Variants in ASAP2 observed in about 807,000 individuals in gnomAD.
ASAP2 encodes ArfGAP with SH3 domain, ankyrin repeat and PH domain 2.
A neutral mutation model predicts 131.4 loss-of-function variants in ASAP2; 45 were observed. That is an observed-to-expected ratio of 0.34 (90% CI 0.27 to 0.44). ASAP2 has a LOEUF of 0.44. Ranked by LOEUF, ASAP2 falls within the 20% of genes least tolerant of loss-of-function variation. The probability of loss-of-function intolerance (pLI) is 1.00; values close to 1 mark genes in which losing one functional copy is unlikely to be tolerated. For missense variants in ASAP2, 1,011 were observed against 1,297.0 expected (o/e 0.78, Z 3.39); for synonymous variants, 510 against 503.0 (o/e 1.01, Z -0.19).
intron 2 of ASAP2, among the ~76,000 whole-genome samples, chr2:9,294,440 C>T (rs1352391929): frequency 6.6e-6 from 1 of 152,202 alleles, no homozygotes; most frequent in East Asian, 1.9e-4. Flanking sequence ...GCCGGCTCCT[C>T]TCTCCTACCA....
At chr2:9,270,090 A>G (rs1261864657) in intron 1 of ASAP2, among the ~76,000 whole-genome samples, 1 of 152,230 alleles carries the variant, frequency 6.6e-6, no homozygotes, top group African/African-American at 2.4e-5. Flanking sequence ...GGTTTTTGTG[A>G]TAAGTTCACT....
rs377163614 is a variant in ASAP2 at position 9,207,415 on chromosome 2, C to T, written c.126+185C>T. Reference sequence around the variant, plus strand: ...TGGCTCGGAGGAGATGGGTGATGGCCACCTTGGGCCTCTTTAAGACCTCCC... The same window carrying T: ...TGGCTCGGAGGAGATGGGTGATGGCTACCTTGGGCCTCTTTAAGACCTCCC... On this transcript the variant is annotated intron_variant, in intron 1 of 27. Transcript: ENST00000281419. This position sits in a 1 kb window ranked among gnomAD's most constrained non-coding sequence, Gnocchi z 4.1. Among the ~76,000 whole-genome samples, 1 of 152,164 alleles carries T rather than the reference C, an allele frequency of 6.6e-6. No homozygotes were observed. Among genetic ancestry groups the T allele is most frequent in the Non-Finnish European group, 1.5e-5 (1 of 68,018 alleles).
chr2:9,212,820 C>G (rs1044449758), intron 1 of ASAP2, among the ~76,000 whole-genome samples: 1 of 152,108 alleles, frequency 6.6e-6, no homozygotes, highest in East Asian at 1.9e-4. Context: ...AAATGCAGAG[C>G]CCCGGGTTCC....
At chr2:9,346,861 T>C (rs1039789321) in intron 11 of ASAP2, among the ~76,000 whole-genome samples, 5 of 152,278 alleles carry the variant, frequency 3.3e-5, no homozygotes, top group African/African-American at 1.2e-4. Context: ...TTCGAGTCAC[T>C]TCCATAGCTT....
chr2:9,371,092 T>C (rs1162671463), intron 16 of ASAP2, among the ~76,000 whole-genome samples: 1 of 152,198 alleles, frequency 6.6e-6, no homozygotes, highest in Non-Finnish European at 1.5e-5. Context: ...ACACTGTCAA[T>C]GTGGAACCCT....
intron 1 of ASAP2, among the ~76,000 whole-genome samples, chr2:9,220,946 A>G (rs1572186894): frequency 6.6e-6 from 1 of 152,182 alleles, no homozygotes; most frequent in East Asian, 1.9e-4. Context: ...ATCCTTTTTA[A>G]AAGTTGATTT....
At chr2:9,362,202 A>T (rs980203202) in intron 15 of ASAP2, among the ~76,000 whole-genome samples, 11 of 152,248 alleles carry the variant, frequency 7.2e-5, no homozygotes, top group Admixed American at 6.5e-4. Context: ...CATGCCATGC[A>T]GGGCCTCGGC....
chr2:9,245,820 T>C (rs1408259621), intron 1 of ASAP2, among the ~76,000 whole-genome samples: 2 of 152,164 alleles, frequency 1.3e-5, no homozygotes, highest in African/African-American at 4.8e-5. Context: ...ACAGAGCCTT[T>C]GTTTTCTTCG....
intron 3 of ASAP2, among the ~76,000 whole-genome samples, chr2:9,299,042 G>A (rs1175624612): frequency 1.3e-5 from 2 of 152,114 alleles, no homozygotes; most frequent in African/African-American, 4.8e-5. Context: ...ACCAAAAAGT[G>A]GGAAATAGAT....
intron 14 of ASAP2, among the ~76,000 whole-genome samples, chr2:9,357,380 G>A (rs1672787820): frequency 6.6e-6 from 1 of 152,152 alleles, no homozygotes; most frequent in Non-Finnish European, 1.5e-5. Context: ...ATAGGAGGCT[G>A]AGGCAGGAGA....
chr2:9,383,183 A>C (rs1675000092), intron 20 of ASAP2, among the ~76,000 whole-genome samples: 1 of 152,102 alleles, frequency 6.6e-6, no homozygotes, highest in African/African-American at 2.4e-5. Context: ...CTGAAAAAAT[A>C]TCTCAAAAGA....
intron 16 of ASAP2, among the ~76,000 whole-genome samples, chr2:9,373,054 C>A (rs538945804): frequency 6.6e-6 from 1 of 152,092 alleles, no homozygotes; most frequent in Admixed American, 6.6e-5. Context: ...ACTGAGACCA[C>A]GTATCTCACA....
chr2:9,299,705 G>T (rs1668364803), intron 3 of ASAP2, among the ~76,000 whole-genome samples: 1 of 152,204 alleles, frequency 6.6e-6, no homozygotes, highest in African/African-American at 2.4e-5. Flanking sequence ...CCCGGGTTCT[G>T]CTTCTCACTC....
intron 1 of ASAP2, among the ~76,000 whole-genome samples, chr2:9,227,736 A>C (rs1289328510): frequency 6.6e-6 from 1 of 152,244 alleles, no homozygotes. Context: ...TGAGTTAAAA[A>C]AATATGTGGG....
chr2:9,240,600 G>A (rs933047886), intron 1 of ASAP2, among the ~76,000 whole-genome samples: 1 of 152,048 alleles, frequency 6.6e-6, no homozygotes, highest in Non-Finnish European at 1.5e-5. Context: ...CACGCACCAC[G>A]GCCGTAGCTT....
At chr2:9,329,426 G>A (rs1165356151) in intron 7 of ASAP2, among the ~76,000 whole-genome samples, 1 of 152,130 alleles carries the variant, frequency 6.6e-6, no homozygotes, top group African/African-American at 2.4e-5. Context: ...CACGGACCCT[G>A]GGGTCTCATG....
At chr2:9,352,283 C>G (rs1327853163) in intron 12 of ASAP2, among the ~76,000 whole-genome samples, 1 of 152,020 alleles carries the variant, frequency 6.6e-6, no homozygotes, top group Non-Finnish European at 1.5e-5. Flanking sequence ...CTGTGTCTAG[C>G]TAGCAAAAAA....
chr2:9,339,722 A>G (rs1671452800), intron 9 of ASAP2, among the ~76,000 whole-genome samples: 2 of 151,962 alleles, frequency 1.3e-5, no homozygotes, highest in Non-Finnish European at 2.9e-5. Context: ...CTATGTCTTC[A>G]TGGCTCTTGC....
chr2:9,267,964 G>A (rs562817801), intron 1 of ASAP2, among the ~76,000 whole-genome samples: 1 of 148,228 alleles, frequency 6.7e-6, no homozygotes, highest in Admixed American at 6.7e-5. Context: ...CTCCAAGCGC[G>A]CCCCGCAGGC....
Sources: allele counts gnomAD v4.1 joint callset (sites outside exome capture counted in the v4.1 genomes callset), GRCh38; gene constraint gnomAD v4.1.1; non-coding constraint Gnocchi (gnomAD v3.1); transcripts MANE v1.5; gene names NCBI Gene and HGNC (gene_info 2026-07-23, HGNC 2026-07-21).